LDB2: variants seen among roughly 807,000 people sequenced by gnomAD.
The protein encoded by LDB2 is LIM domain binding 2.
In LDB2, 12 loss-of-function variants were observed where a neutral mutation model predicts 44.3. That is an observed-to-expected ratio of 0.27 (90% CI 0.17 to 0.44). The LOEUF (loss-of-function observed/expected upper bound fraction) is 0.44. Ranked by LOEUF, LDB2 falls within the 20% of genes least tolerant of loss-of-function variation. LDB2 has a pLI of 1.00. For synonymous variants in LDB2, 164 were observed against 174.8 expected (o/e 0.94, Z 0.49); for missense variants, 344 against 473.5 (o/e 0.73, Z 2.54).
rs1553912541 is a variant in LDB2, at chr4:16,582,004, A to AGGAAG, written c.615+3913_615+3917dup. 3.6e-4 allele frequency among the ~76,000 whole-genome samples: 14 copies of AGGAAG among 38,460 alleles called. No homozygotes were observed. Among genetic ancestry groups the AGGAAG allele is most frequent in the South Asian group, 9.8e-4 (1 of 1,018 alleles). The allele number at this position is 38,460 out of a possible 152,430, so 25.2% of individuals were successfully genotyped here. ...GAAGGGAAGGAAGGGAAGGAAGGGA[A>AGGAAG]GGAAGGAAGGAAGGAAGGAAGGAAG... is the stretch of plus-strand genomic sequence containing the variant. On this transcript the variant is annotated intron_variant, in intron 5 of 7. Coordinates refer to ENST00000304523, the MANE Select transcript of LDB2 (RefSeq NM_001290.5). This position sits in a 1 kb window ranked among gnomAD's most constrained non-coding sequence, Gnocchi z 4.8.
At chr4:16,833,547 T>C in intron 1 of LDB2, among the ~76,000 whole-genome samples, 1 of 148,604 alleles carries the variant, frequency 6.7e-6, no homozygotes, top group East Asian at 2.0e-4. Flanking sequence ...TTTTCCTCTT[T>C]TTTTTTTTTT....
chr4:16,883,232 G>T (rs1720674193), intron 1 of LDB2, among the ~76,000 whole-genome samples: 1 of 152,200 alleles, frequency 6.6e-6, no homozygotes, highest in African/African-American at 2.4e-5. Context: ...CCTTGACTTT[G>T]TGTTGGATGT....
chr4:16,760,417 T>A (rs1330033329), intron 1 of LDB2, among the ~76,000 whole-genome samples: 1 of 152,182 alleles, frequency 6.6e-6, no homozygotes, highest in African/African-American at 2.4e-5. Flanking sequence ...GTCCTCTCCT[T>A]CAGAAAAGAA....
chr4:16,694,202 T>G (rs147931703), intron 2 of LDB2, among the ~76,000 whole-genome samples: 1 of 152,342 alleles, frequency 6.6e-6, no homozygotes, highest in Non-Finnish European at 1.5e-5. Context: ...GATAACTTAC[T>G]GGAAGGATTT....
rs189405302 is a variant in LDB2, at chr4:16,818,194, T to G, written c.133-58934A>C. Among the ~76,000 whole-genome samples, 1,253 of 152,246 alleles carry G rather than the reference T, an allele frequency of 8.2e-3. 9 individuals are homozygous for G. Among genetic ancestry groups the G allele is most frequent in the Admixed American group, 0.015 (237 of 15,302 alleles). On this transcript the variant is annotated intron_variant, in intron 1 of 7. Coordinates refer to ENST00000304523, the MANE Select transcript of LDB2 (RefSeq NM_001290.5). ...TCTTTCTCTGTGTAGTACCACAATCTCCCCACATGGTTCCTTAGCAGGGTG... is the reference window on the plus strand; with the variant it reads ...TCTTTCTCTGTGTAGTACCACAATCGCCCCACATGGTTCCTTAGCAGGGTG...
chr4:16,558,741 T>C (rs1345982145), intron 5 of LDB2, among the ~76,000 whole-genome samples: 2 of 151,842 alleles, frequency 1.3e-5, no homozygotes, highest in Non-Finnish European at 2.9e-5. Flanking sequence ...GAAGAGCAAC[T>C]CCAAGACACA....
chr4:16,667,261 A>T (rs1320148269), intron 2 of LDB2, among the ~76,000 whole-genome samples: 1 of 152,222 alleles, frequency 6.6e-6, no homozygotes, highest in African/African-American at 2.4e-5. Context: ...GGGTCTCTCA[A>T]TGTTTCCCAA....
chr4:16,823,288 T>C (rs886439326), intron 1 of LDB2, among the ~76,000 whole-genome samples: 8 of 152,252 alleles, frequency 5.3e-5, no homozygotes, highest in African/African-American at 1.9e-4. Flanking sequence ...AGCCAACGTT[T>C]GAATGTTGGT....
chr4:16,790,040 A>G (rs886434947), intron 1 of LDB2, among the ~76,000 whole-genome samples: 28 of 152,224 alleles, frequency 1.8e-4, no homozygotes, highest in African/African-American at 6.0e-4. Flanking sequence ...TCAAGGACAC[A>G]CAGTAGGTGA....
At chr4:16,570,336 A>G in intron 5 of LDB2, among the ~76,000 whole-genome samples, 1 of 150,756 alleles carries the variant, frequency 6.6e-6, no homozygotes, top group African/African-American at 2.4e-5. Flanking sequence ...GGTGGCGGGC[A>G]CCTGTAGTTC....
intron 2 of LDB2, among the ~76,000 whole-genome samples, chr4:16,659,028 A>T (rs989652676): frequency 6.6e-6 from 1 of 152,222 alleles, no homozygotes; most frequent in African/African-American, 2.4e-5. Context: ...CTTTACTGAG[A>T]GACCCACCAA....
At chr4:16,529,213 C>T (rs1729294605) in intron 5 of LDB2, among the ~76,000 whole-genome samples, 1 of 152,258 alleles carries the variant, frequency 6.6e-6, no homozygotes, top group Non-Finnish European at 1.5e-5. Context: ...ATTTGTCCTC[C>T]TTGAACTTGG....
chr4:16,870,877 G>A (rs532729538), intron 1 of LDB2, among the ~76,000 whole-genome samples: 43 of 152,022 alleles, frequency 2.8e-4, no homozygotes, highest in South Asian at 1.7e-3. Context: ...CAGGTGATCC[G>A]CCCACCTCGG....
chr4:16,581,540 G>A (rs1714472176), intron 5 of LDB2: 6 of 525,856 alleles, frequency 1.1e-5, no homozygotes, highest in Non-Finnish European at 1.5e-5. Context: ...TTAACTATGT[G>A]AAACTTCCTA....
intron 2 of LDB2, among the ~76,000 whole-genome samples, chr4:16,650,650 G>T (rs1036587470): frequency 3.3e-5 from 5 of 152,156 alleles, no homozygotes; most frequent in Non-Finnish European, 2.9e-5. Context: ...TATAGCAATA[G>T]TTGGTATCTT....
chr4:16,665,924 T>G (rs1297169366), intron 2 of LDB2, among the ~76,000 whole-genome samples: 2 of 152,034 alleles, frequency 1.3e-5, no homozygotes, highest in Non-Finnish European at 2.9e-5. Flanking sequence ...GAGATTGAAG[T>G]GATGGAGCTA....
chr4:16,630,923 C>A (rs1731747510), intron 2 of LDB2, among the ~76,000 whole-genome samples: 1 of 152,164 alleles, frequency 6.6e-6, no homozygotes, highest in Non-Finnish European at 1.5e-5. Flanking sequence ...TACGGGAGCA[C>A]CCAGATTCAT....
At chr4:16,793,201 C>A (rs139709572) in intron 1 of LDB2, among the ~76,000 whole-genome samples, 4 of 152,176 alleles carry the variant, frequency 2.6e-5, no homozygotes, top group Admixed American at 6.5e-5. Flanking sequence ...TTGGTATACG[C>A]GTTGCCTTTA....
At chr4:16,836,747 A>ATTATTGAATCCTTAAAAAAG (rs1385357654) in intron 1 of LDB2, among the ~76,000 whole-genome samples, 57 of 152,326 alleles carry the variant, frequency 3.7e-4, no homozygotes, top group African/African-American at 1.3e-3. Flanking sequence ...CACACATGGA[A>ATTATTGAATCCTTAAAAAAG]TTATTGAATC....
Sources: allele counts gnomAD v4.1 joint callset (sites outside exome capture counted in the v4.1 genomes callset), GRCh38; gene constraint gnomAD v4.1.1; non-coding constraint Gnocchi (gnomAD v3.1); transcripts MANE v1.5; gene names NCBI Gene and HGNC (gene_info 2026-07-23, HGNC 2026-07-21).